The following CCT3 variants were observed in gnomAD, a reference collection of about 807,000 sequenced individuals.
CCT3 encodes chaperonin containing TCP1 subunit 3, also known as T-complex protein 1 subunit gamma.
Under a neutral mutation model 65.3 loss-of-function variants are expected in CCT3, and 10 were observed. The observed-to-expected ratio is 0.15, with a 90% CI of 0.09 to 0.26. CCT3 has a LOEUF of 0.26. Among genes scored for constraint, CCT3 ranks in the 10% least tolerant of loss-of-function variants. The pLI, the probability that CCT3 is intolerant of heterozygous loss-of-function variation, is 1.00. For missense variants in CCT3, 626 were observed against 708.7 expected, an observed-to-expected ratio of 0.88 and a Z score of 1.33; for synonymous variants, 225 against 242.3, an observed-to-expected ratio of 0.93 and a Z score of 0.66.
intron 13 of CCT3, among the ~76,000 whole-genome samples, chr1:156,310,037 CAAAAAAAAAAAAAAAAAA>C (rs71080758): frequency 1.3e-5 from 1 of 76,494 alleles, no homozygotes; most frequent in Admixed American, 1.7e-4. Context: ...TAGTCTGTTT[CAAAAAAAAAAAAAAAAAA>C]AAAAAAAAAT....
chr1:156,320,606 C>T (rs1471327049), intron 7 of CCT3, among the ~76,000 whole-genome samples: 1 of 152,074 alleles, frequency 6.6e-6, no homozygotes. Context: ...ATTTGCTGGG[C>T]ACAGTGGCAT....
intron 9 of CCT3, 39 bp from the exon 10 acceptor site, chr1:156,317,286 A>C: frequency 6.2e-7 from 1 of 1,608,684 alleles, no homozygotes; most frequent in Non-Finnish European, 8.5e-7. Flanking sequence ...CTGGGTTCTG[A>C]ACTGGTTTTA....
chr1:156,313,350 G>GGAAAAAAAAAA (rs570894422), intron 10 of CCT3, among the ~76,000 whole-genome samples: 149 of 106,622 alleles, frequency 1.4e-3, no homozygotes, highest in Middle Eastern at 5.3e-3. Context: ...AAAAAAAAAA[G>GGAAAAAAAAAA]AAAAAAAAAA....
At chr1:156,326,941 G>A (rs1639289227) in intron 5 of CCT3, among the ~76,000 whole-genome samples, 2 of 152,294 alleles carry the variant, frequency 1.3e-5, no homozygotes, top group South Asian at 4.1e-4. Context: ...AGCTAGTTGG[G>A]AGGCTGAGGC....
Position 156,329,107 on chromosome 1 carries a change from ATACT to A in CCT3, c.305-4022_305-4019del, listed in dbSNP as rs139402609. Among the ~76,000 whole-genome samples the A allele has an allele frequency of 6.3e-3, 954 of 152,238 alleles. 8 individuals are homozygous for A. Among genetic ancestry groups the A allele is most frequent in the African/African-American group, 0.022 (897 of 41,548 alleles). Reference sequence around the variant, plus strand: ...ATGTTTAGCTATGCTTATTATACAAATACTTACCACTGTATTATAACTGTATTCA... The same window carrying A: ...ATGTTTAGCTATGCTTATTATACAAATACCACTGTATTATAACTGTATTCA... On this transcript the variant is annotated intron_variant, in intron 5 of 13. Coordinates refer to ENST00000295688, the MANE Select transcript of CCT3 (RefSeq NM_005998.5).
intron 6 of CCT3, among the ~76,000 whole-genome samples, chr1:156,322,892 A>C (rs1664618695): frequency 6.6e-6 from 1 of 152,198 alleles, no homozygotes; most frequent in South Asian, 2.1e-4. Context: ...GAAGCTCCAC[A>C]CAATAAAACC....
chr1:156,325,147 A>C, intron 5 of CCT3, 58 bp from the exon 6 acceptor site: 1 of 1,228,994 alleles, frequency 8.1e-7, no homozygotes, highest in Non-Finnish European at 1.2e-6. Flanking sequence ...CAAGGCAAGT[A>C]ACTTAATTAT....
At chr1:156,327,565 T>C (rs573399260) in intron 5 of CCT3, among the ~76,000 whole-genome samples, 126 of 152,346 alleles carry the variant, frequency 8.3e-4, no homozygotes, top group Non-Finnish European at 1.4e-3. Context: ...GGTGCCGGGA[T>C]TGCAGACGGA....
At chr1:156,320,589 A>T (rs534422495) in intron 7 of CCT3, among the ~76,000 whole-genome samples, 1 of 152,188 alleles carries the variant, frequency 6.6e-6, no homozygotes, top group East Asian at 1.9e-4. Context: ...CTACAAAAAG[A>T]AAAAAAATTT....
intron 6 of CCT3, among the ~76,000 whole-genome samples, chr1:156,321,892 T>C (rs1361602724): frequency 6.6e-5 from 10 of 152,172 alleles, no homozygotes. Context: ...GAAAGGCACA[T>C]AATATACCAA....
At chr1:156,319,166 G>A in intron 7 of CCT3, 149 bp from the exon 8 acceptor site, 2 of 615,842 alleles carry the variant, frequency 3.2e-6, no homozygotes, top group Non-Finnish European at 5.2e-6. Flanking sequence ...AGGCTGGAGT[G>A]CAGTGGTGCA....
intron 11 of CCT3, 101 bp from the exon 12 acceptor site, chr1:156,311,296 A>C (rs1319212319): frequency 2.5e-6 from 3 of 1,199,174 alleles, no homozygotes; most frequent in Non-Finnish European, 3.6e-6. Context: ...TAAACCACCA[A>C]GGAGGGCAAC....
chr1:156,314,324 T>C (rs922819645), intron 10 of CCT3, among the ~76,000 whole-genome samples: 1 of 152,154 alleles, frequency 6.6e-6, no homozygotes, highest in Non-Finnish European at 1.5e-5. Context: ...AGACTGTGGA[T>C]GTGGCTAAAA....
chr1:156,311,651 A>G (rs1436138762), intron 11 of CCT3, among the ~76,000 whole-genome samples: 1 of 152,056 alleles, frequency 6.6e-6, no homozygotes, highest in African/African-American at 2.4e-5. Flanking sequence ...CTCAATGAGG[A>G]AAAAAAAGTA....
At chr1:156,335,910 G>C in intron 1 of CCT3, 22 bp from the exon 2 acceptor site, 1 of 1,607,894 alleles carries the variant, frequency 6.2e-7, no homozygotes, top group Non-Finnish European at 8.5e-7. Context: ...AAAAACACAA[G>C]TCAACAGCCC....
chr1:156,317,905 G>A (rs1383896892), intron 8 of CCT3, among the ~76,000 whole-genome samples: 3 of 151,286 alleles, frequency 2.0e-5, no homozygotes, highest in Non-Finnish European at 4.4e-5. Context: ...GTAGAGACGG[G>A]GTTTCACCAC....
intron 6 of CCT3, among the ~76,000 whole-genome samples, chr1:156,322,340 T>C (rs1664590752): frequency 1.3e-5 from 2 of 151,044 alleles, no homozygotes; most frequent in Non-Finnish European, 2.9e-5. Context: ...CTACTAAAAA[T>C]ACCAAAATTA....
At chr1:156,327,153 G>A (rs1426790047) in intron 5 of CCT3, among the ~76,000 whole-genome samples, 2 of 152,190 alleles carry the variant, frequency 1.3e-5, no homozygotes, top group East Asian at 3.8e-4. Flanking sequence ...TCTAGAAAAA[G>A]TATAAAGAGA....
Position 156,320,919 on chromosome 1 carries a change from G to C in CCT3, c.529C>G (p.Leu177Val). 6.2e-7 allele frequency: 1 copy of C among 1,613,878 alleles called. No homozygotes were observed. Among genetic ancestry groups the C allele is most frequent in the Non-Finnish European group, 8.5e-7 (1 of 1,179,832 alleles). ...AACTGTACCATCTTGACAGCATCCA[G>C]GGCAATGTTGCAAGCCAAAGATGAC... ...RWSSLACNIALDAVKMVQFEE... is the reference protein window; with the variant it reads ...RWSSLACNIAVDAVKMVQFEE... The change falls in exon 7 of 14, where the codon CTG becomes GTG. Residue 177 changes from leucine (L) to valine (V), a missense_variant. Coordinates refer to ENST00000295688, the MANE Select transcript of CCT3 (RefSeq NM_005998.5).
Sources: gnomAD v4.1 joint callset for allele counts (sites outside exome capture counted in the v4.1 genomes callset) on GRCh38, gnomAD v4.1.1 for gene constraint, MANE v1.5 for transcripts, NCBI Gene and HGNC (gene_info 2026-07-23, HGNC 2026-07-21) for gene names.